The following MED24 variants were observed in gnomAD, a reference collection of about 807,000 sequenced individuals.
MED24 encodes the protein mediator complex subunit 24.
A neutral mutation model predicts 118.8 loss-of-function variants in MED24; 74 were observed. The ratio of observed to expected loss-of-function variants is 0.62; its 90% confidence interval spans 0.52 to 0.76. MED24 has a LOEUF of 0.76. Among genes scored for constraint, MED24 ranks in the 30% least tolerant of loss-of-function variants. The pLI is 0.00. For synonymous variants in MED24, 521 were observed against 523.9 expected (o/e 0.99, Z 0.08); for missense variants, 1,041 against 1,278.9 (o/e 0.81, Z 2.84).
At chr17:40,046,770 T>G (rs751972023) in intron 3 of MED24, among the ~76,000 whole-genome samples, 119 of 140,688 alleles carry the variant, frequency 8.5e-4, no homozygotes, top group Non-Finnish European at 1.4e-3. Flanking sequence ...AGAAGAAGAA[T>G]GAGGCCAGGC....
chr17:40,029,915 A>G lies in MED24; in HGVS notation c.1155-56T>C. 2.0e-6 allele frequency: 3 copies of G among 1,518,690 alleles called. No homozygotes were observed. The Middle Eastern group carries it at 5.2e-4, about 261-fold the overall frequency. The allele number at this position is 1,518,690 out of a possible 1,614,324, so 94.1% of individuals were successfully genotyped here. ...GAAGAGGAATGAAGAGAAATTCTTG[A>G]CACGTTCCCTCGTTCAAGCCCGGAA... On this transcript the variant is annotated intron_variant, in intron 12 of 25. Transcript: ENST00000394128.
chr17:40,026,418 T>C (rs748310570), intron 18 of MED24, 87 bp from the exon 19 acceptor site: 1 of 1,509,586 alleles, frequency 6.6e-7, no homozygotes, highest in South Asian at 1.2e-5. Flanking sequence ...GGCAGCTAAG[T>C]GCAGCGGGTG....
At chr17:40,053,018 C>T (rs913874846) in intron 3 of MED24, among the ~76,000 whole-genome samples, 2 of 152,104 alleles carry the variant, frequency 1.3e-5, no homozygotes, top group African/African-American at 4.8e-5. Context: ...ATTGCAGTCT[C>T]GACCTCCCAG....
rs1239071383 is a variant in MED24, at chr17:40,033,509, C to A, written c.560-53G>T. On this transcript the variant is annotated intron_variant, in intron 6 of 25. Coordinates refer to ENST00000394128, the MANE Select transcript of MED24 (RefSeq NM_014815.4). This position sits in a 1 kb window ranked among gnomAD's most constrained non-coding sequence, Gnocchi z 5.2. ...ATGATGGGAAACAGGAGAGAAGGAG[C>A]ACCTGGCCCTGAACTCCTCGATTTT... 3 of 1,462,762 alleles carry A rather than the reference C, an allele frequency of 2.1e-6. No homozygotes were observed. The highest frequency in any genetic ancestry group is 2.8e-6 in the Non-Finnish European group (3 of 1,068,636). 90.6% of individuals were successfully genotyped at this position (1,462,762 alleles called of 1,614,324 possible).
At position 40,021,929 on chromosome 17, in the gene MED24, G is replaced by A. The variant is rs369155580; in HGVS notation, c.2623+26C>T. The A allele has an allele frequency of 3.5e-5, 52 of 1,500,174 alleles. No individual in the cohort carries two copies. In the African/African-American group the frequency reaches 4.8e-4, roughly 14 times the overall value. The allele number at this position is 1,500,174 out of a possible 1,614,324, so 92.9% of individuals were successfully genotyped here. On this transcript the variant is annotated intron_variant, in intron 23 of 25. Transcript: ENST00000394128. Reference sequence around the variant, plus strand: ...GGAGTGAATTCCCAGGAAAAGGAGCGGCGCGCGGCCAGCCCACACACTCAC... The same window carrying A: ...GGAGTGAATTCCCAGGAAAAGGAGCAGCGCGCGGCCAGCCCACACACTCAC...
At chr17:40,023,594 G>T in intron 19 of MED24, 199 bp from the exon 20 acceptor site, 1 of 556,204 alleles carries the variant, frequency 1.8e-6, no homozygotes, top group Non-Finnish European at 3.2e-6. Context: ...TCTCTCACCT[G>T]CAGGACACAA....
At chr17:40,034,411 G>A (rs1188862174) in intron 6 of MED24, among the ~76,000 whole-genome samples, 1 of 152,194 alleles carries the variant, frequency 6.6e-6, no homozygotes, top group Non-Finnish European at 1.5e-5. Flanking sequence ...AGCCTCGAGA[G>A]TAGCCCATTC....
At chr17:40,040,450 G>A (rs890460241) in intron 3 of MED24, among the ~76,000 whole-genome samples, 1 of 151,936 alleles carries the variant, frequency 6.6e-6, no homozygotes, top group African/African-American at 2.4e-5. Flanking sequence ...TCCTGGTCAA[G>A]TGAGTTGCCC....
At chr17:40,032,878 T>C (rs1029897534) in intron 8 of MED24, 116 bp from the exon 9 acceptor site, 12 of 1,283,438 alleles carry the variant, frequency 9.3e-6, no homozygotes, top group Non-Finnish European at 1.3e-5. Flanking sequence ...TGCTCAGCTA[T>C]GTGCTGAGAA....
At chr17:40,023,539 C>T (rs906530232) in intron 19 of MED24, 144 bp from the exon 20 acceptor site, 13 of 749,854 alleles carry the variant, frequency 1.7e-5, no homozygotes, top group Admixed American at 5.9e-5. Context: ...CGCTGGGGGA[C>T]GGTATACCCC....
At chr17:40,044,647 C>T (rs904104002) in intron 3 of MED24, among the ~76,000 whole-genome samples, 9 of 151,880 alleles carry the variant, frequency 5.9e-5, no homozygotes, top group Non-Finnish European at 1.3e-4. Flanking sequence ...TTTGGGAGGC[C>T]GAGGTGGGCG....
At chr17:40,031,101 C>G in intron 12 of MED24, 58 bp downstream of exon 12, 1 of 1,499,012 alleles carries the variant, frequency 6.7e-7, no homozygotes, top group Non-Finnish European at 9.1e-7. Context: ...AGCAGCCCCA[C>G]CGTAACAAGA....
At chr17:40,036,024 T>C (rs1452925670) in intron 4 of MED24, 92 bp downstream of exon 4, 1 of 1,415,982 alleles carries the variant, frequency 7.1e-7, no homozygotes, top group Non-Finnish European at 1.0e-6. Flanking sequence ...GTGCTGCCTA[T>C]CCAGCCTCAC....
intron 3 of MED24, among the ~76,000 whole-genome samples, chr17:40,043,248 T>C (rs751336409): frequency 3.3e-4 from 51 of 152,262 alleles, no homozygotes; most frequent in Admixed American, 5.9e-4. Context: ...TTGTTAATAA[T>C]GAGATTTTCC....
chr17:40,047,260 GGA>G (rs1985330654), intron 3 of MED24, among the ~76,000 whole-genome samples: 1 of 152,200 alleles, frequency 6.6e-6, no homozygotes, highest in South Asian at 2.1e-4. Context: ...GGCAATTGTG[GGA>G]GAGGGGAGTG....
At chr17:40,047,622 A>G (rs1293851527) in intron 3 of MED24, among the ~76,000 whole-genome samples, 1 of 151,184 alleles carries the variant, frequency 6.6e-6, no homozygotes, top group Non-Finnish European at 1.5e-5. Context: ...AGATTGCCCT[A>G]CTGCACTCCA....
At chr17:40,025,113 C>A (rs542805490) in intron 19 of MED24, among the ~76,000 whole-genome samples, 4 of 152,186 alleles carry the variant, frequency 2.6e-5, no homozygotes, top group African/African-American at 9.6e-5. Context: ...TTTGAGGACA[C>A]CATGCTGAGT....
chr17:40,035,944 C>T (rs1983886284), intron 4 of MED24, 149 bp from the exon 5 acceptor site: 2 of 1,073,498 alleles, frequency 1.9e-6, no homozygotes, highest in South Asian at 2.9e-5. Flanking sequence ...CATTGGCTCC[C>T]AAGCACCAGC....
intron 3 of MED24, among the ~76,000 whole-genome samples, chr17:40,042,534 G>A (rs931588399): frequency 6.6e-5 from 10 of 152,112 alleles, no homozygotes; most frequent in African/African-American, 9.7e-5. Context: ...TTAGCTGTGC[G>A]TGGTGGTGGG....
Sources: gnomAD v4.1 joint callset for allele counts (sites outside exome capture counted in the v4.1 genomes callset) on GRCh38, gnomAD v4.1.1 for gene constraint, Gnocchi (gnomAD v3.1) non-coding constraint, MANE v1.5 for transcripts, NCBI Gene and HGNC (gene_info 2026-07-23, HGNC 2026-07-21) for gene names.